The following FTO variants were observed in gnomAD, a reference collection of about 807,000 sequenced individuals.
The protein encoded by FTO is alpha-ketoglutarate-dependent dioxygenase FTO.
A neutral mutation model predicts 63.9 loss-of-function variants in FTO; 47 were observed. The observed-to-expected ratio is 0.74, with a 90% CI of 0.58 to 0.94. The LOEUF (loss-of-function observed/expected upper bound fraction) is 0.94, where lower values mean the gene tolerates loss of function less well. Ranked by LOEUF, FTO falls within the 40% of genes least tolerant of loss-of-function variation. The pLI is 0.00. For missense variants in FTO, 562 were observed against 618.1 expected, an observed-to-expected ratio of 0.91 and a Z score of 0.96; for synonymous variants, 207 against 224.4, an observed-to-expected ratio of 0.92 and a Z score of 0.69.
At chr16:53,918,315 C>A (rs766741685) in intron 7 of FTO, among the ~76,000 whole-genome samples, 1 of 152,090 alleles carries the variant, frequency 6.6e-6, no homozygotes, top group African/African-American at 2.4e-5. Flanking sequence ...AGTCTGTTGC[C>A]CCCAGGCTAT....
intron 4 of FTO, among the ~76,000 whole-genome samples, chr16:53,855,593 G>A (rs1168262868): frequency 1.3e-5 from 2 of 152,012 alleles, no homozygotes; most frequent in Admixed American, 1.3e-4. Flanking sequence ...CAAGCAAAAG[G>A]AAGTATTAAT....
At chr16:54,015,486 T>TA (rs1365264205) in intron 8 of FTO, among the ~76,000 whole-genome samples, 4 of 152,000 alleles carry the variant, frequency 2.6e-5, no homozygotes, top group Admixed American at 1.3e-4. Context: ...AACTAACCAA[T>TA]AAAAAAATAA....
intron 1 of FTO, among the ~76,000 whole-genome samples, chr16:53,729,904 G>T (rs114044472): frequency 0.058 from 8,755 of 152,186 alleles, 814 homozygotes; most frequent in African/African-American, 0.2. Flanking sequence ...ATAGCTGTTT[G>T]TCCATTACTT....
At chr16:53,775,975 T>G (rs1408646811) in intron 1 of FTO, among the ~76,000 whole-genome samples, 2 of 152,180 alleles carry the variant, frequency 1.3e-5, no homozygotes, top group East Asian at 3.8e-4. Flanking sequence ...TGGATTGATT[T>G]GTTGATTTTT....
rs1423025582 is a variant in FTO, at chr16:54,120,340, T to C, written c.*8425T>C. ...GCTCTTCATAGTATTGACTCTTCAG[T>C]CTTAGCCAACACACACTTGTTGATT... is the stretch of plus-strand genomic sequence containing the variant. On this transcript the variant is annotated 3_prime_UTR_variant, in exon 9 of 9. Transcript: ENST00000471389. 2 of 152,236 alleles carry C rather than the reference T, an allele frequency of 1.3e-5. No homozygotes were observed. The highest frequency in any genetic ancestry group is 1.3e-4 in the Admixed American group (2 of 15,278). 9.4% of individuals were successfully genotyped at this position (152,236 alleles called of 1,614,324 possible). A position where few individuals can be genotyped will look rare whatever the true frequency, so the allele number is the denominator to read the frequency against.
At chr16:53,877,543 T>G (rs997807300) in intron 5 of FTO, among the ~76,000 whole-genome samples, 1 of 152,176 alleles carries the variant, frequency 6.6e-6, no homozygotes. Context: ...GAAATGTTGG[T>G]AGAAATCAGT....
At chr16:53,716,623 T>C (rs1029099567) in intron 1 of FTO, among the ~76,000 whole-genome samples, 1 of 152,064 alleles carries the variant, frequency 6.6e-6, no homozygotes, top group East Asian at 1.9e-4. Context: ...TGACTATTAA[T>C]GAAATTATTT....
intron 1 of FTO, among the ~76,000 whole-genome samples, chr16:53,804,915 C>T (rs1238323728): frequency 1.3e-5 from 2 of 151,940 alleles, no homozygotes; most frequent in Non-Finnish European, 2.9e-5. Flanking sequence ...GCGCCTGGCT[C>T]TTAATGATCT....
At chr16:53,999,225 G>A (rs1466661252) in intron 8 of FTO, among the ~76,000 whole-genome samples, 3 of 152,118 alleles carry the variant, frequency 2.0e-5, no homozygotes, top group Admixed American at 6.5e-5. Context: ...TTGAGAACCC[G>A]GCTTTTACCC....
intron 7 of FTO, among the ~76,000 whole-genome samples, chr16:53,928,320 G>C (rs1275289829): frequency 6.6e-6 from 1 of 152,116 alleles, no homozygotes; most frequent in African/African-American, 2.4e-5. Flanking sequence ...TGTATTTTGG[G>C]AGGAGGGGAG....
chr16:53,977,619 AG>A (rs2083458858), intron 8 of FTO, among the ~76,000 whole-genome samples: 1 of 152,182 alleles, frequency 6.6e-6, no homozygotes, highest in Non-Finnish European at 1.5e-5. Context: ...TCCTTAGGAA[AG>A]GCATGAGTTT....
In FTO at chr16:53,937,196, A is replaced by G. The variant is rs2082409681; in HGVS notation, c.1364+3087A>G. The G allele has an allele frequency of 4.3e-5, 17 of 398,584 alleles. No individual in the cohort carries two copies. The East Asian group carries it at 5.7e-4, about 13-fold the overall frequency. 24.7% of individuals were successfully genotyped at this position (398,584 alleles called of 1,614,324 possible). ...TTCCTTCTCCAAGCTTCGTAATCCC[A>G]TAAACAACCCTCTCCAAATAGGCTT... On this transcript the variant is annotated intron_variant, in intron 8 of 8. Coordinates refer to ENST00000471389, the MANE Select transcript of FTO (RefSeq NM_001080432.3).
chr16:54,111,271 C>G (rs1275985765), intron 8 of FTO, among the ~76,000 whole-genome samples: 3 of 152,152 alleles, frequency 2.0e-5, no homozygotes, highest in Non-Finnish European at 4.4e-5. Context: ...AGCTGGGACA[C>G]TTGTAAATCT....
intron 4 of FTO, among the ~76,000 whole-genome samples, chr16:53,856,976 TAAA>T (rs144876075): frequency 0.029 from 4,435 of 152,236 alleles, 166 homozygotes; most frequent in East Asian, 0.12. Context: ...GGGGTGATGT[TAAA>T]AAATTGAATG....
intron 7 of FTO, among the ~76,000 whole-genome samples, chr16:53,899,790 G>C (rs1394423340): frequency 6.6e-6 from 1 of 152,180 alleles, no homozygotes; most frequent in Non-Finnish European, 1.5e-5. Flanking sequence ...GAGACCTTTG[G>C]ACTGGAAAGC....
intron 1 of FTO, among the ~76,000 whole-genome samples, chr16:53,750,074 CAG>C (rs1438517287): frequency 1.3e-5 from 2 of 152,100 alleles, no homozygotes; most frequent in Non-Finnish European, 2.9e-5. Flanking sequence ...TAAGAAGAGA[CAG>C]AGTTGAATTG....
At chr16:53,907,670 C>T (rs1291864733) in intron 7 of FTO, among the ~76,000 whole-genome samples, 1 of 152,168 alleles carries the variant, frequency 6.6e-6, no homozygotes, top group Non-Finnish European at 1.5e-5. Context: ...AACCCCTTCA[C>T]TCCCTGTATT....
chr16:53,967,799 G>A (rs1029909191), intron 8 of FTO, among the ~76,000 whole-genome samples: 2 of 152,196 alleles, frequency 1.3e-5, no homozygotes, highest in African/African-American at 4.8e-5. Context: ...GGCTGTGACA[G>A]ATATAACTGA....
intron 8 of FTO, among the ~76,000 whole-genome samples, chr16:53,963,653 T>G (rs1488033423): frequency 6.6e-6 from 1 of 152,182 alleles, no homozygotes; most frequent in Non-Finnish European, 1.5e-5. Context: ...CTGCTTCCCC[T>G]TTGCCTTCCA....
Sources: gnomAD v4.1 joint callset for allele counts (sites outside exome capture counted in the v4.1 genomes callset) on GRCh38, gnomAD v4.1.1 for gene constraint, MANE v1.5 for transcripts, NCBI Gene and HGNC (gene_info 2026-07-23, HGNC 2026-07-21) for gene names.